GRIN3A: variants seen among roughly 807,000 people sequenced by gnomAD.
GRIN3A encodes glutamate ionotropic receptor NMDA type subunit 3A.
Under a neutral mutation model 92.4 loss-of-function variants are expected in GRIN3A, and 47 were observed. The observed-to-expected ratio is 0.51, with a 90% CI of 0.40 to 0.65. The LOEUF is 0.65. GRIN3A is among the 30% of genes least tolerant of loss of function. The probability of loss-of-function intolerance (pLI) is 0.00; values close to 1 mark genes in which losing one functional copy is unlikely to be tolerated. For synonymous variants in GRIN3A, 527 were observed against 540.6 expected (o/e 0.97, Z 0.35); for missense variants, 1,324 against 1,393.1 (o/e 0.95, Z 0.79).
chr9:101,716,250 C>CT (rs1435364062), intron 1 of GRIN3A, among the ~76,000 whole-genome samples: 2 of 152,076 alleles, frequency 1.3e-5, no homozygotes, highest in Middle Eastern at 3.2e-3. Context: ...AGTGTGTTAG[C>CT]TTTTTGCCAT....
chr9:101,645,184 A>G (rs1239224299), intron 3 of GRIN3A, among the ~76,000 whole-genome samples: 1 of 151,794 alleles, frequency 6.6e-6, no homozygotes, highest in Non-Finnish European at 1.5e-5. Flanking sequence ...TCTAGTAACC[A>G]TCATTCTACT....
At chr9:101,663,241 C>T (rs1340457736) in intron 3 of GRIN3A, among the ~76,000 whole-genome samples, 4 of 151,850 alleles carry the variant, frequency 2.6e-5, no homozygotes, top group Non-Finnish European at 5.9e-5. Flanking sequence ...AGGTCTCCTG[C>T]CAGGCTCCTA....
chr9:101,731,310 A>G (rs952375028), intron 1 of GRIN3A, among the ~76,000 whole-genome samples: 1 of 152,168 alleles, frequency 6.6e-6, no homozygotes, highest in Non-Finnish European at 1.5e-5. Flanking sequence ...CTCACTTCCT[A>G]CAATGCATAG....
In GRIN3A at chr9:101,738,128, C is replaced by T; in HGVS notation, c.-149G>A. ...CCAGGAGCTGGAGCGGTCTCTAGGC[C>T]ATGCAAGTTGGAGCGTAGCGCGCCT... On this transcript the variant is annotated 5_prime_UTR_variant, in exon 1 of 9. The change abolishes an upstream ATG in the 5' untranslated region. Transcript: ENST00000361820. 1.3e-6 allele frequency: 1 copy of T among 747,038 alleles called. No homozygotes were observed. 46.3% of individuals were successfully genotyped at this position (747,038 alleles called of 1,614,324 possible).
intron 3 of GRIN3A, among the ~76,000 whole-genome samples, chr9:101,665,608 G>A (rs1290043128): frequency 3.3e-5 from 5 of 151,822 alleles, no homozygotes; most frequent in African/African-American, 1.2e-4. Context: ...TTTAGAGTGT[G>A]GCCATTACTC....
intron 1 of GRIN3A, among the ~76,000 whole-genome samples, chr9:101,689,221 T>C (rs1829580693): frequency 6.6e-6 from 1 of 152,178 alleles, no homozygotes; most frequent in Admixed American, 6.5e-5. Context: ...CCTAAGTGTT[T>C]TCTTGGCTTC....
chr9:101,708,578 A>G (rs916102247), intron 1 of GRIN3A, among the ~76,000 whole-genome samples: 1 of 152,164 alleles, frequency 6.6e-6, no homozygotes, highest in Admixed American at 6.5e-5. Flanking sequence ...GATCCCTACC[A>G]TGATAGGGTT....
At chr9:101,587,324 A>C (rs1015461490) in intron 6 of GRIN3A, among the ~76,000 whole-genome samples, 16 of 152,224 alleles carry the variant, frequency 1.1e-4, no homozygotes, top group African/African-American at 3.6e-4. Flanking sequence ...AAAAAAAAAA[A>C]AAATCTGTTG....
In GRIN3A at chr9:101,570,105, T is replaced by A. The variant is rs1004244277; in HGVS notation, c.*3069A>T. 6.6e-6 allele frequency: 1 copy of A among 152,168 alleles called. No individual in the cohort carries two copies. Among genetic ancestry groups the A allele is most frequent in the Non-Finnish European group, 1.5e-5 (1 of 68,048 alleles). The allele number at this position is 152,168 out of a possible 1,614,324, so 9.4% of individuals were successfully genotyped here. A position where few individuals can be genotyped will look rare whatever the true frequency, so the allele number is the denominator to read the frequency against. Reference sequence around the variant, plus strand: ...GTCCTGGTTATTCTTCCAATTTGTTTTTAAATTTTGGGAGATTCCCCTTTC... The same window carrying A: ...GTCCTGGTTATTCTTCCAATTTGTTATTAAATTTTGGGAGATTCCCCTTTC... On this transcript the variant is annotated 3_prime_UTR_variant, in exon 9 of 9. Transcript: ENST00000361820.
chr9:101,692,185 A>G (rs1588285581), intron 1 of GRIN3A, among the ~76,000 whole-genome samples: 1 of 152,122 alleles, frequency 6.6e-6, no homozygotes, highest in East Asian at 1.9e-4. Context: ...AATTACACCA[A>G]CTTCTCAGCA....
Position 101,738,041 on chromosome 9 carries a change from G to C in GRIN3A, c.-62C>G. The stretch of plus-strand genomic sequence containing the variant: ...GCGCCCGGCTCGCCCCTCTGCAGCC[G>C]CTGCCTGAGGTCTCCGCCTCCAGGT... On this transcript the variant is annotated 5_prime_UTR_variant, in exon 1 of 9. Transcript: ENST00000361820. 7.3e-7 allele frequency: 1 copy of C among 1,378,858 alleles called. No homozygotes were observed. The highest frequency in any genetic ancestry group is 9.9e-7 in the Non-Finnish European group (1 of 1,005,750). 85.4% of individuals were successfully genotyped at this position (1,378,858 alleles called of 1,614,324 possible). A position where few individuals can be genotyped will look rare whatever the true frequency, so the allele number is the denominator to read the frequency against.
Position 101,573,096 on chromosome 9 carries a change from G to C in GRIN3A, c.*78C>G. The C allele has an allele frequency of 8.0e-7, 1 of 1,254,492 alleles. No homozygotes were observed. The highest frequency in any genetic ancestry group is 1.2e-6 in the Non-Finnish European group (1 of 854,034). The allele number at this position is 1,254,492 out of a possible 1,614,324, so 77.7% of individuals were successfully genotyped here. On this transcript the variant is annotated 3_prime_UTR_variant, in exon 9 of 9. Transcript: ENST00000361820. The stretch of plus-strand genomic sequence containing the variant: ...CAGCTTCCCCACACCTTTGTCGATA[G>C]TTACAAAAGAGCATTACAAAGTGTC...
At position 101,570,358 on chromosome 9, in the gene GRIN3A, C is replaced by G. The variant is rs965192392; in HGVS notation, c.*2816G>C. Reference sequence around the variant, plus strand: ...TTGAGCCTCAAAGGAGTTGAAAGAACAGAGGCAGAGCTGAACGGAAAGGAG... The same window carrying G: ...TTGAGCCTCAAAGGAGTTGAAAGAAGAGAGGCAGAGCTGAACGGAAAGGAG... On this transcript the variant is annotated 3_prime_UTR_variant, in exon 9 of 9. Coordinates refer to ENST00000361820, the MANE Select transcript of GRIN3A (RefSeq NM_133445.3). 6.6e-6 allele frequency: 1 copy of G among 152,546 alleles called. No homozygotes were observed. Among genetic ancestry groups the G allele is most frequent in the Non-Finnish European group, 1.5e-5 (1 of 68,032 alleles). The allele number at this position is 152,546 out of a possible 1,614,324, so 9.4% of individuals were successfully genotyped here. A position where few individuals can be genotyped will look rare whatever the true frequency, so the allele number is the denominator to read the frequency against.
At position 101,686,816 on chromosome 9, in the gene GRIN3A, C is replaced by A. The variant is rs10989591; in HGVS notation, c.1084G>T (p.Val362Leu). Residue 362 changes from valine to leucine, a missense_variant, in exon 2 of 9, where the codon GTG (valine) becomes TTG (leucine). Transcript: ENST00000361820. The stretch of plus-strand genomic sequence containing the variant: ...AGACCCTCTGTCCTCAGTTCCTCCA[C>A]ATTCTGGGAATCTCCCAGCACCCAA... Reference protein sequence around the residue: ...LRWVLGDSQNVEELRTEGLPL... With the variant: ...LRWVLGDSQNLEELRTEGLPL... The A allele has an allele frequency of 5.6e-6, 9 of 1,613,936 alleles. No individual in the cohort carries two copies. In the Admixed American group the frequency reaches 1.5e-4, roughly 27 times the overall value.
chr9:101,582,165 A>G (rs1827895194), intron 6 of GRIN3A, among the ~76,000 whole-genome samples: 1 of 152,086 alleles, frequency 6.6e-6, no homozygotes, highest in Non-Finnish European at 1.5e-5. Flanking sequence ...CTCCACCTCT[A>G]TTCTGGAGAA....
chr9:101,692,361 A>G (rs1257670703), intron 1 of GRIN3A, among the ~76,000 whole-genome samples: 1 of 152,132 alleles, frequency 6.6e-6, no homozygotes, highest in Non-Finnish European at 1.5e-5. Flanking sequence ...ACTCCTGGAG[A>G]TCCCTCATCA....
chr9:101,570,203 G>A lies in GRIN3A; in HGVS notation c.*2971C>T, dbSNP rs532255569. ...TTACACGAACCAGGTAGCTATATCT[G>A]TTCCAGCTCATCTGAGCATGCTTTA... On this transcript the variant is annotated 3_prime_UTR_variant, in exon 9 of 9. Coordinates refer to ENST00000361820, the MANE Select transcript of GRIN3A (RefSeq NM_133445.3). 6.6e-6 allele frequency: 1 copy of A among 152,214 alleles called. No homozygotes were observed. Among genetic ancestry groups the A allele is most frequent in the African/African-American group, 2.4e-5 (1 of 41,532 alleles). 9.4% of individuals were successfully genotyped at this position (152,214 alleles called of 1,614,324 possible). A position where few individuals can be genotyped will look rare whatever the true frequency, so the allele number is the denominator to read the frequency against.
At chr9:101,602,420 C>T (rs1357760773) in intron 6 of GRIN3A, among the ~76,000 whole-genome samples, 4 of 152,186 alleles carry the variant, frequency 2.6e-5, no homozygotes, top group Non-Finnish European at 5.9e-5. Context: ...GGCAACTCCT[C>T]TCTGCACAGG....
Position 101,737,910 on chromosome 9 carries a change from C to G in GRIN3A, c.70G>C (p.Val24Leu). 1 of 1,535,974 alleles carries G rather than the reference C, an allele frequency of 6.5e-7. No homozygotes were observed. The highest frequency in any genetic ancestry group is 8.7e-7 in the Non-Finnish European group (1 of 1,147,382). Reference protein sequence around the residue: ...CLLLPPPCALVLAGVPSSSSH... With the variant: ...CLLLPPPCALLLAGVPSSSSH... ...GAGGAGCTGGGCACCCCGGCCAGCA[C>G]CAGTGCGCAGGGCGGCGGCAACAGC... The change falls in exon 1 of 9, where the codon GTG becomes CTG. Residue 24 changes from valine to leucine, a missense_variant. Physicochemically the swap from Val to Leu is conservative, Grantham distance 32 (BLOSUM62 1). Coordinates refer to ENST00000361820, the MANE Select transcript of GRIN3A (RefSeq NM_133445.3).
Sources: gnomAD v4.1 joint callset for allele counts (sites outside exome capture counted in the v4.1 genomes callset) on GRCh38, gnomAD v4.1.1 for gene constraint, MANE v1.5 for transcripts, NCBI Gene and HGNC (gene_info 2026-07-23, HGNC 2026-07-21) for gene names.